ANKIB1: variants seen among roughly 807,000 people sequenced by gnomAD.
ANKIB1 encodes the protein ankyrin repeat and IBR domain containing 1, also known as ankyrin repeat and IBR domain-containing protein 1.
Under a neutral mutation model 122.1 loss-of-function variants are expected in ANKIB1, and 43 were observed. The observed-to-expected ratio is 0.35, with a 90% CI of 0.28 to 0.45. The LOEUF is 0.45. ANKIB1 is among the 20% of genes least tolerant of loss of function. The pLI is 1.00. For missense variants in ANKIB1, 992 were observed against 1,329.5 expected (o/e 0.75, Z 3.95); for synonymous variants, 390 against 442.0 (o/e 0.88, Z 1.48).
rs749622310 is a variant in ANKIB1, at chr7:92,391,183, C to G, written c.2070C>G (p.Val690=). The part of the protein sequence containing the change: ...FELMQTDLEM[V]TEDLAQKVNR... ...TACTATAGACAGACCTAGAAATGGT[C>G]ACTGAAGACCTTGCCCAGAAAGTCA... Residue 690 remains valine (V), a synonymous_variant, in exon 16 of 20, where the codon GTC becomes GTG. Coordinates refer to ENST00000265742, the MANE Select transcript of ANKIB1 (RefSeq NM_019004.2). 5.0e-6 allele frequency: 8 copies of G among 1,609,882 alleles called. No homozygotes were observed. The Admixed American group carries it at 1.3e-4, about 27-fold the overall frequency.
intron 3 of ANKIB1, among the ~76,000 whole-genome samples, chr7:92,309,939 AAAAATAT>A (rs1324639281): frequency 2.3e-5 from 3 of 132,268 alleles, no homozygotes; most frequent in Non-Finnish European, 3.2e-5. Context: ...AAAAAAAAAA[AAAAATAT>A]ATATATATAT....
chr7:92,306,515 G>A (rs746228188), intron 2 of ANKIB1, among the ~76,000 whole-genome samples: 1 of 152,070 alleles, frequency 6.6e-6, no homozygotes, highest in Admixed American at 6.6e-5. Context: ...ATGGGGCATT[G>A]GAGGGTAATT....
intron 1 of ANKIB1, among the ~76,000 whole-genome samples, chr7:92,268,518 C>T (rs896408934): frequency 3.3e-5 from 5 of 152,206 alleles, no homozygotes; most frequent in Non-Finnish European, 5.9e-5. Context: ...CACTCTGTCG[C>T]CCAGGCTGGA....
chr7:92,257,758 C>G (rs1341059958), intron 1 of ANKIB1, among the ~76,000 whole-genome samples: 1 of 152,214 alleles, frequency 6.6e-6, no homozygotes, highest in Non-Finnish European at 1.5e-5. Context: ...CGCCATTGTG[C>G]TCCAGCCTGG....
chr7:92,376,348 T>C (rs927645589), intron 11 of ANKIB1, among the ~76,000 whole-genome samples: 5 of 152,252 alleles, frequency 3.3e-5, no homozygotes, highest in Non-Finnish European at 1.5e-5. Flanking sequence ...TGTTGTTTAA[T>C]GTAGCCACTT....
chr7:92,336,707 GTAAAA>G (rs1048325407), intron 5 of ANKIB1, among the ~76,000 whole-genome samples: 1 of 152,106 alleles, frequency 6.6e-6, no homozygotes, highest in Non-Finnish European at 1.5e-5. Context: ...TCTTAAGCTA[GTAAAA>G]TTTCAAGTTT....
intron 1 of ANKIB1, among the ~76,000 whole-genome samples, chr7:92,256,561 C>T (rs1325114114): frequency 6.6e-6 from 1 of 151,984 alleles, no homozygotes. Context: ...AACTAGGTAA[C>T]AACAATATGA....
chr7:92,262,056 C>T (rs1053929777), intron 1 of ANKIB1, among the ~76,000 whole-genome samples: 7 of 152,096 alleles, frequency 4.6e-5, no homozygotes, highest in Non-Finnish European at 7.4e-5. Context: ...TAAGTGAATT[C>T]GAAGACATTA....
At chr7:92,310,366 A>C (rs1246167628) in intron 3 of ANKIB1, among the ~76,000 whole-genome samples, 2 of 152,126 alleles carry the variant, frequency 1.3e-5, no homozygotes, top group Non-Finnish European at 2.9e-5. Context: ...CTAGTTTTTT[A>C]TAACATTTCA....
chr7:92,397,628 G>A, intron 18 of ANKIB1, 95 bp from the exon 19 acceptor site: 4 of 1,398,698 alleles, frequency 2.9e-6, no homozygotes, highest in Non-Finnish European at 3.9e-6. Context: ...AGCACTGAAA[G>A]AGAAATTGCC....
At chr7:92,395,538 CTTTTTTTTTTT>C (rs35028119) in intron 17 of ANKIB1, among the ~76,000 whole-genome samples, 3 of 108,258 alleles carry the variant, frequency 2.8e-5, no homozygotes, top group African/African-American at 6.7e-5. Flanking sequence ...ATCCCAGTCA[CTTTTTTTTTTT>C]TTTTTTTTTT....
Position 92,355,848 on chromosome 7 carries a change from C to CATAAGA in ANKIB1, c.1397+3210_1397+3211insGAATAA, listed in dbSNP as rs1803793746. Among the ~76,000 whole-genome samples the CATAAGA allele has an allele frequency of 3.5e-5, 5 of 143,384 alleles. No individual in the cohort carries two copies. In the South Asian group the frequency reaches 1.1e-3, roughly 32 times the overall value. The allele number at this position is 143,384 out of a possible 152,430, so 94.1% of individuals were successfully genotyped here. The stretch of plus-strand genomic sequence containing the variant: ...CAGGCAACGGAGCGAGACTCCGTCT[C>CATAAGA]ATAATAATAATAATAATAATAATAA... On this transcript the variant is annotated intron_variant, in intron 9 of 19. Transcript: ENST00000265742.
chr7:92,383,147 T>C (rs1243811325), intron 11 of ANKIB1, among the ~76,000 whole-genome samples: 1 of 151,988 alleles, frequency 6.6e-6, no homozygotes, highest in African/African-American at 2.4e-5. Context: ...CTAGAAGAAA[T>C]GGATAAATTC....
chr7:92,327,621 C>A (rs1280924997), intron 4 of ANKIB1, among the ~76,000 whole-genome samples, 162 bp from the exon 5 acceptor site: 1 of 151,928 alleles, frequency 6.6e-6, no homozygotes, highest in Non-Finnish European at 1.5e-5. Flanking sequence ...AGTATAGACA[C>A]AACCTTTTTT....
chr7:92,390,229 T>G (rs1804757775), intron 15 of ANKIB1, 113 bp downstream of exon 15: 1 of 790,064 alleles, frequency 1.3e-6, no homozygotes, highest in Non-Finnish European at 1.8e-6. Context: ...AAAACAATTT[T>G]CTTTTCATTT....
Position 92,397,708 on chromosome 7 carries a change from A to G in ANKIB1, c.2396-15A>G. 1 of 1,609,122 alleles carries G rather than the reference A, an allele frequency of 6.2e-7. No homozygotes were observed. Among genetic ancestry groups the G allele is most frequent in the Non-Finnish European group, 8.5e-7 (1 of 1,178,492 alleles). On this transcript the variant is annotated splice_polypyrimidine_tract_variant and intron_variant, in intron 18 of 19. Coordinates refer to ENST00000265742, the MANE Select transcript of ANKIB1 (RefSeq NM_019004.2). ...TGTCACTAAATTGTCTTTGGTACCA[A>G]TTGCTTTGAAACAGATATTCCAGAA...
intron 11 of ANKIB1, among the ~76,000 whole-genome samples, chr7:92,371,888 A>C (rs1804262945): frequency 6.6e-6 from 1 of 151,034 alleles, no homozygotes; most frequent in African/African-American, 2.4e-5. Flanking sequence ...AAATTCATGA[A>C]TCCTTCCTTG....
intron 1 of ANKIB1, among the ~76,000 whole-genome samples, chr7:92,285,645 C>T (rs1001760940): frequency 6.6e-6 from 1 of 152,172 alleles, no homozygotes; most frequent in African/African-American, 2.4e-5. Context: ...AACTATATTG[C>T]ATTAATTATT....
chr7:92,390,692 A>G (rs895664898), intron 15 of ANKIB1, among the ~76,000 whole-genome samples: 3 of 152,188 alleles, frequency 2.0e-5, no homozygotes, highest in Non-Finnish European at 2.9e-5. Flanking sequence ...GTCAAGGATC[A>G]GTATTCATTT....
Sources: allele counts gnomAD v4.1 joint callset (sites outside exome capture counted in the v4.1 genomes callset), GRCh38; gene constraint gnomAD v4.1.1; transcripts MANE v1.5; gene names NCBI Gene and HGNC (gene_info 2026-07-23, HGNC 2026-07-21).